The following C8A variants were observed in gnomAD, a reference collection of about 807,000 sequenced individuals.
The protein encoded by C8A is complement component C8 alpha chain.
In C8A, 67 loss-of-function variants were observed where a neutral mutation model predicts 65.3. The ratio of observed to expected loss-of-function variants is 1.03; its 90% CI spans 0.84 to 1.26. The LOEUF (loss-of-function observed/expected upper bound fraction) is 1.26, where lower values mean the gene tolerates loss of function less well. Among genes scored for constraint, C8A ranks in the 50% most tolerant of loss-of-function variants. C8A has a pLI of 0.00. For synonymous variants in C8A, 290 were observed against 259.4 expected (o/e 1.12, Z -1.13); for missense variants, 781 against 723.9 (o/e 1.08, Z -0.90).
At position 56,883,467 on chromosome 1, in the gene C8A, C is replaced by CTTTTTTTTT; in HGVS notation, c.655-12_655-4dup. The CTTTTTTTTT allele has an allele frequency of 7.3e-7, 1 of 1,371,962 alleles. No individual in the cohort carries two copies. Among genetic ancestry groups the CTTTTTTTTT allele is most frequent in the East Asian group, 2.6e-5 (1 of 38,772 alleles). 85.0% of individuals were successfully genotyped at this position (1,371,962 alleles called of 1,614,324 possible). A position where few individuals can be genotyped will look rare whatever the true frequency, so the allele number is the denominator to read the frequency against. On this transcript the variant is annotated splice_polypyrimidine_tract_variant and intron_variant, in intron 5 of 10. Transcript: ENST00000361249. ...TATGTGCACAAAGCTAATATCTATCCTTTTTTTTTTCAGGCCCTGGCAGAT... is the reference window on the plus strand; with the variant it reads ...TATGTGCACAAAGCTAATATCTATCCTTTTTTTTTTTTTTTTTTTCAGGCCCTGGCAGAT...
chr1:56,888,115 A>G (rs1644315545), intron 7 of C8A, among the ~76,000 whole-genome samples: 2 of 152,224 alleles, frequency 1.3e-5, no homozygotes, highest in Admixed American at 1.3e-4. Flanking sequence ...CATGTATCCC[A>G]GAACTTAAAG....
chr1:56,897,513 G>T (rs548833234), intron 7 of C8A, among the ~76,000 whole-genome samples: 1 of 152,340 alleles, frequency 6.6e-6, no homozygotes, highest in East Asian at 1.9e-4. Context: ...TCTGCCAGAG[G>T]CTGGGGACTG....
rs758394960 is a variant in C8A, at chr1:56,875,193, C to T, written c.316+100C>T. On this transcript the variant is annotated intron_variant, in intron 3 of 10. Transcript: ENST00000361249. ...TTAAAATGCATACTCCTGAGCCCTT[C>T]CTCTCGAGGTTGCCATTCTCTAGGT... 56 of 1,376,926 alleles carry T rather than the reference C, an allele frequency of 4.1e-5. 1 individual carries two copies. The highest frequency in any genetic ancestry group is 1.1e-4 in the African/African-American group (8 of 70,402). The allele number at this position is 1,376,926 out of a possible 1,614,324, so 85.3% of individuals were successfully genotyped here. A position where few individuals can be genotyped will look rare whatever the true frequency, so the allele number is the denominator to read the frequency against.
intron 7 of C8A, among the ~76,000 whole-genome samples, chr1:56,896,696 A>C (rs1051194394): frequency 1.3e-5 from 2 of 152,222 alleles, no homozygotes; most frequent in Non-Finnish European, 2.9e-5. Flanking sequence ...TCAACTTGAC[A>C]TATGAAATTA....
intron 7 of C8A, among the ~76,000 whole-genome samples, chr1:56,886,527 A>C (rs181653329): frequency 2.0e-3 from 307 of 152,300 alleles, no homozygotes; most frequent in African/African-American, 6.5e-3. Context: ...CCACACAGTC[A>C]GTGAAGCTAG....
chr1:56,865,537 G>A (rs1163376106), intron 1 of C8A, among the ~76,000 whole-genome samples: 1 of 152,160 alleles, frequency 6.6e-6, no homozygotes, highest in Non-Finnish European at 1.5e-5. Flanking sequence ...TCAGATTGGG[G>A]ATTAGGTTTC....
At chr1:56,894,883 C>T (rs765829579) in intron 7 of C8A, among the ~76,000 whole-genome samples, 2 of 152,096 alleles carry the variant, frequency 1.3e-5, no homozygotes, top group Non-Finnish European at 2.9e-5. Flanking sequence ...CTGTGGACAG[C>T]CAAATTGGTT....
At chr1:56,881,066 G>A (rs1241279897) in intron 4 of C8A, among the ~76,000 whole-genome samples, 1 of 152,182 alleles carries the variant, frequency 6.6e-6, no homozygotes, top group Non-Finnish European at 1.5e-5. Flanking sequence ...GATGATCTGG[G>A]TAAAGGAAAT....
intron 10 of C8A, among the ~76,000 whole-genome samples, chr1:56,913,615 C>T (rs974633334): frequency 1.3e-5 from 2 of 152,182 alleles, no homozygotes; most frequent in East Asian, 1.9e-4. Context: ...CAAGAGTATG[C>T]ATGTTCCAAT....
chr1:56,865,059 CA>C (rs1337576031), intron 1 of C8A, among the ~76,000 whole-genome samples: 1 of 152,084 alleles, frequency 6.6e-6, no homozygotes, highest in Non-Finnish European at 1.5e-5. Context: ...CTTCTAGAAA[CA>C]GTAAGAATTG....
intron 4 of C8A, 58 bp from the exon 5 acceptor site, chr1:56,881,387 A>ACTAGCAT (rs1644245904): frequency 3.2e-6 from 5 of 1,554,964 alleles, no homozygotes; most frequent in Non-Finnish European, 4.4e-6. Context: ...TCATCCCATC[A>ACTAGCAT]CCCAGGTATA....
At chr1:56,860,091 A>G (rs1321045115) in intron 1 of C8A, among the ~76,000 whole-genome samples, 1 of 152,174 alleles carries the variant, frequency 6.6e-6, no homozygotes, top group Non-Finnish European at 1.5e-5. Flanking sequence ...TTACATTGTG[A>G]TAAATACTGT....
Position 56,885,326 on chromosome 1 carries a change from T to G in C8A, c.856-601T>G, listed in dbSNP as rs533977322. Among the ~76,000 whole-genome samples, 1,253 of 132,636 alleles carry G rather than the reference T, an allele frequency of 9.4e-3. 47 individuals are homozygous for G. Among genetic ancestry groups the G allele is most frequent in the South Asian group, 0.07 (296 of 4,242 alleles). 87.0% of individuals were successfully genotyped at this position (132,636 alleles called of 152,430 possible). A position where few individuals can be genotyped will look rare whatever the true frequency, so the allele number is the denominator to read the frequency against. ...TATATATTTACATAAATATATTTAT[T>G]TAAATATATATTTACATAAATATAT... On this transcript the variant is annotated intron_variant, in intron 6 of 10. Transcript: ENST00000361249.
intron 10 of C8A, among the ~76,000 whole-genome samples, chr1:56,916,658 C>T (rs1644555123): frequency 1.3e-5 from 2 of 152,152 alleles, no homozygotes; most frequent in Admixed American, 6.5e-5. Context: ...AGAGCAGCTC[C>T]ACTTTCATCT....
chr1:56,875,718 G>T (rs965839771), intron 3 of C8A, among the ~76,000 whole-genome samples: 2 of 152,150 alleles, frequency 1.3e-5, no homozygotes, highest in African/African-American at 2.4e-5. Context: ...GGGTAGGTAG[G>T]TGATGGGCAG....
intron 7 of C8A, among the ~76,000 whole-genome samples, chr1:56,898,787 G>A (rs1316333436): frequency 1.3e-5 from 2 of 152,252 alleles, no homozygotes; most frequent in South Asian, 2.1e-4. Flanking sequence ...TCTAGCTGGG[G>A]TGGTTCCAAA....
chr1:56,912,634 C>G lies in C8A; in HGVS notation c.1603+9C>G. ...GCAAACACAGACAGAAGGTAAGGTC[C>G]GTGCATCCCCACCCAGTTCCAGCCT... On this transcript the variant is annotated intron_variant, in intron 10 of 10. Coordinates refer to ENST00000361249, the MANE Select transcript of C8A (RefSeq NM_000562.3). 6.2e-7 allele frequency: 1 copy of G among 1,612,446 alleles called. No homozygotes were observed. The highest frequency in any genetic ancestry group is 8.5e-7 in the Non-Finnish European group (1 of 1,178,858).
chr1:56,908,462 T>G (rs893180300), intron 9 of C8A, among the ~76,000 whole-genome samples: 1 of 152,264 alleles, frequency 6.6e-6, no homozygotes, highest in Admixed American at 6.5e-5. Context: ...GCAAACTTTT[T>G]CTGTAAAAGG....
intron 7 of C8A, among the ~76,000 whole-genome samples, chr1:56,896,096 C>T (rs554623746): frequency 6.6e-6 from 1 of 152,054 alleles, no homozygotes; most frequent in East Asian, 1.9e-4. Context: ...TATTTAATTA[C>T]TTTAAATAAA....
Sources: allele counts gnomAD v4.1 joint callset (sites outside exome capture counted in the v4.1 genomes callset), GRCh38; gene constraint gnomAD v4.1.1; transcripts MANE v1.5; gene names NCBI Gene and HGNC (gene_info 2026-07-23, HGNC 2026-07-21).